OSBPL2: variants seen among roughly 807,000 people sequenced by gnomAD.
OSBPL2 encodes oxysterol-binding protein-related protein 2.
A neutral mutation model predicts 58.4 loss-of-function variants in OSBPL2; 18 were observed. That is an observed-to-expected ratio of 0.31 (90% confidence interval 0.21 to 0.46). The LOEUF (loss-of-function observed/expected upper bound fraction) is 0.46, where lower values mean the gene tolerates loss of function less well. Ranked by LOEUF, OSBPL2 falls within the 20% of genes least tolerant of loss-of-function variation. The pLI is 1.00. For missense variants in OSBPL2, 461 were observed against 616.5 expected (o/e 0.75, Z 2.67); for synonymous variants, 221 against 234.1 (o/e 0.94, Z 0.51).
At chr20:62,258,467 T>C (rs987003835) in intron 2 of OSBPL2, among the ~76,000 whole-genome samples, 2 of 152,172 alleles carry the variant, frequency 1.3e-5, no homozygotes, top group African/African-American at 4.8e-5. Context: ...ATGAACAGTG[T>C]GTATGGGATT....
intron 2 of OSBPL2, among the ~76,000 whole-genome samples, chr20:62,256,603 C>CA (rs1216896721): frequency 1.3e-5 from 2 of 152,236 alleles, no homozygotes; most frequent in Non-Finnish European, 2.9e-5. Flanking sequence ...CAGCTGCGCT[C>CA]ACAGCCGCAG....
In OSBPL2 at chr20:62,293,763, C is replaced by T. The variant is rs780545827; in HGVS notation, c.1341-22C>T. 4.3e-6 allele frequency: 7 copies of T among 1,609,460 alleles called. No homozygotes were observed. In the East Asian group the frequency reaches 1.3e-4, roughly 31 times the overall value. Reference sequence around the variant, plus strand: ...CCTTTTGGGCTGAGCATCTTCTGACCCCCCTCCCTTGTATCCGGCAGGTGG... The same window carrying T: ...CCTTTTGGGCTGAGCATCTTCTGACTCCCCTCCCTTGTATCCGGCAGGTGG... On this transcript the variant is annotated intron_variant, in intron 13 of 13. Coordinates refer to ENST00000313733, the MANE Select transcript of OSBPL2 (RefSeq NM_144498.4).
chr20:62,281,341 C>A, intron 8 of OSBPL2, 176 bp downstream of exon 8: 1 of 583,078 alleles, frequency 1.7e-6, no homozygotes, highest in Non-Finnish European at 3.1e-6. Flanking sequence ...CGGTGTTGGC[C>A]ATGAATGCTC....
rs2063911877 is a variant in OSBPL2 at position 62,284,368 on chromosome 20, C to A, written c.996+199C>A. On this transcript the variant is annotated intron_variant, in intron 10 of 13. Transcript: ENST00000313733. ...TCAGTGAGGGGGTTTATCTGTATTT[C>A]TTTCCATTTTTTTTTTTTTTCCCCT... The A allele has an allele frequency of 2.4e-5, 14 of 576,136 alleles. 1 individual carries two copies. The South Asian group carries it at 3.0e-4, about 12-fold the overall frequency. The allele number at this position is 576,136 out of a possible 1,614,324, so 35.7% of individuals were successfully genotyped here. A position where few individuals can be genotyped will look rare whatever the true frequency, so the allele number is the denominator to read the frequency against.
intron 6 of OSBPL2, among the ~76,000 whole-genome samples, chr20:62,277,114 G>A (rs1478319042): frequency 6.6e-6 from 1 of 152,180 alleles, no homozygotes; most frequent in Admixed American, 6.5e-5. Context: ...AGCCGGGCGT[G>A]GTGGCGGGTG....
chr20:62,276,401 C>T (rs1455734827), intron 6 of OSBPL2, among the ~76,000 whole-genome samples: 5 of 152,238 alleles, frequency 3.3e-5, no homozygotes, highest in Admixed American at 1.3e-4. Flanking sequence ...CTTTCCTGCA[C>T]TTCTGTATAT....
chr20:62,292,798 G>A (rs4925372), intron 13 of OSBPL2, among the ~76,000 whole-genome samples: 76,146 of 151,600 alleles, frequency 0.5, 19,927 homozygotes, highest in South Asian at 0.63. Flanking sequence ...AATTTAATTT[G>A]ATACTAGGCT....
chr20:62,287,804 TG>T (rs1466878052), intron 11 of OSBPL2, among the ~76,000 whole-genome samples: 66 of 152,336 alleles, frequency 4.3e-4, no homozygotes, highest in African/African-American at 1.4e-3. Context: ...AAATTGCGTA[TG>T]TTTTTTTTCA....
At chr20:62,242,434 A>G (rs1012980568) in intron 1 of OSBPL2, 3 of 152,190 alleles carry the variant, frequency 2.0e-5, no homozygotes, top group Admixed American at 2.0e-4. Context: ...GAGTGGTGGA[A>G]GTGAGCTTTT....
At chr20:62,267,110 T>G (rs1601173691) in intron 4 of OSBPL2, among the ~76,000 whole-genome samples, 1 of 152,322 alleles carries the variant, frequency 6.6e-6, no homozygotes, top group East Asian at 1.9e-4. Flanking sequence ...CCGGGCATGG[T>G]GGCGCATGCC....
At chr20:62,281,955 G>A (rs2145967431) in intron 9 of OSBPL2, 76 bp downstream of exon 9, 2 of 930,858 alleles carry the variant, frequency 2.1e-6, no homozygotes, top group Non-Finnish European at 3.5e-6. Flanking sequence ...GGTGCTCCTG[G>A]GCCTGCGTGT....
intron 3 of OSBPL2, among the ~76,000 whole-genome samples, chr20:62,260,863 G>A (rs367635250): frequency 1.3e-5 from 2 of 152,152 alleles, no homozygotes; most frequent in African/African-American, 2.4e-5. Flanking sequence ...GGTGGTGCAC[G>A]CCTCTGGTCC....
chr20:62,293,654 T>C (rs756744513), intron 13 of OSBPL2, 131 bp from the exon 14 acceptor site: 4 of 678,606 alleles, frequency 5.9e-6, no homozygotes, highest in Non-Finnish European at 9.6e-6. Flanking sequence ...GTTGTTACGC[T>C]GGGCTGCATT....
chr20:62,259,289 G>C (rs543888130), intron 2 of OSBPL2: 1 of 152,320 alleles, frequency 6.6e-6, no homozygotes, highest in Admixed American at 6.5e-5. Flanking sequence ...CTAGTTGCCC[G>C]TTCTGTCCTG....
intron 5 of OSBPL2, among the ~76,000 whole-genome samples, chr20:62,272,809 TCGCTTGTG>T (rs1186030460): frequency 6.6e-6 from 1 of 152,146 alleles, no homozygotes; most frequent in African/African-American, 2.4e-5. Flanking sequence ...TGAGAGAGGA[TCGCTTGTG>T]CCCAGGAGCT....
At chr20:62,263,150 A>T (rs114230360) in intron 3 of OSBPL2, among the ~76,000 whole-genome samples, 1,749 of 152,272 alleles carry the variant, frequency 0.011, 28 homozygotes, top group African/African-American at 0.04. Flanking sequence ...CTGGAAGATT[A>T]CCTGGAAAGA....
intron 1 of OSBPL2, among the ~76,000 whole-genome samples, chr20:62,252,881 CCCAGGA>C (rs891642691): frequency 5.9e-5 from 9 of 152,324 alleles, no homozygotes; most frequent in South Asian, 2.1e-4. Context: ...CTCATCCTTG[CCCAGGA>C]CCAGGAGGAC....
chr20:62,251,271 G>A (rs1404033939), intron 1 of OSBPL2, among the ~76,000 whole-genome samples: 1 of 151,312 alleles, frequency 6.6e-6, no homozygotes, highest in African/African-American at 2.4e-5. Flanking sequence ...AGCCAGGATG[G>A]TCTCGATTTC....
intron 1 of OSBPL2, among the ~76,000 whole-genome samples, chr20:62,252,960 A>G (rs540948762): frequency 8.5e-5 from 13 of 152,382 alleles, no homozygotes; most frequent in Admixed American, 7.2e-4. Context: ...CCTGCATCCA[A>G]CACCGGGGAT....
Sources: allele counts gnomAD v4.1 joint callset (sites outside exome capture counted in the v4.1 genomes callset), GRCh38; gene constraint gnomAD v4.1.1; transcripts MANE v1.5; gene names NCBI Gene and HGNC (gene_info 2026-07-23, HGNC 2026-07-21).